The following RORA variants were observed in gnomAD, a reference collection of about 807,000 sequenced individuals.
RORA encodes the protein RAR related orphan receptor A, also known as nuclear receptor ROR-alpha.
A neutral mutation model predicts 69.5 loss-of-function variants in RORA; 7 were observed. That is an observed-to-expected ratio of 0.10 (90% CI 0.06 to 0.19). The LOEUF (loss-of-function observed/expected upper bound fraction) is 0.19. Among genes scored for constraint, RORA ranks in the 10% least tolerant of loss-of-function variants. RORA has a pLI of 1.00. For synonymous variants in RORA, 261 were observed against 240.8 expected, an observed-to-expected ratio of 1.08 and a Z score of -0.78; for missense variants, 457 against 663.0, an observed-to-expected ratio of 0.69 and a Z score of 3.41.
intron 2 of RORA, among the ~76,000 whole-genome samples, chr15:60,563,045 T>C (rs1040247515): frequency 2.0e-5 from 3 of 152,190 alleles, no homozygotes; most frequent in African/African-American, 2.4e-5. Context: ...ATAAATGCTA[T>C]ACTTAATCAT....
chr15:60,607,266 T>C (rs1464472144), intron 2 of RORA, among the ~76,000 whole-genome samples: 1 of 152,156 alleles, frequency 6.6e-6, no homozygotes, highest in Non-Finnish European at 1.5e-5. Flanking sequence ...TAATTAATGG[T>C]TATAATGACT....
In RORA at chr15:61,061,354, A is replaced by ACAATAAAT. The variant is rs111613157; in HGVS notation, c.166+167698_166+167699insATTTATTG. Among the ~76,000 whole-genome samples the ACAATAAAT allele has an allele frequency of 7.3e-6, 1 of 137,102 alleles. No individual in the cohort carries two copies. Among genetic ancestry groups the ACAATAAAT allele is most frequent in the African/African-American group, 2.7e-5 (1 of 36,956 alleles). 89.9% of individuals were successfully genotyped at this position (137,102 alleles called of 152,430 possible). On this transcript the variant is annotated intron_variant, in intron 1 of 10. Transcript: ENST00000335670. This position sits in a 1 kb window ranked among gnomAD's most constrained non-coding sequence, Gnocchi z 4.4. ...GAGACAGAGCGAGGCTCTATCTTAAAAAATAAATAAATAAATAAATAAATA... is the reference window on the plus strand; with the variant it reads ...GAGACAGAGCGAGGCTCTATCTTAAACAATAAATAAATAAATAAATAAATAAATAAATA...
chr15:61,056,511 T>G (rs1190396265), intron 1 of RORA, among the ~76,000 whole-genome samples: 1 of 152,188 alleles, frequency 6.6e-6, no homozygotes, highest in African/African-American at 2.4e-5. Context: ...AACCATATTT[T>G]GGGTAAATAT....
intron 1 of RORA, among the ~76,000 whole-genome samples, chr15:60,865,022 G>C (rs1209412364): frequency 6.6e-6 from 1 of 152,158 alleles, no homozygotes; most frequent in East Asian, 1.9e-4. Context: ...GCTGTGAAGA[G>C]GAAATAAGAG....
chr15:61,036,511 G>T (rs1896465415), intron 1 of RORA, among the ~76,000 whole-genome samples: 1 of 152,130 alleles, frequency 6.6e-6, no homozygotes, highest in African/African-American at 2.4e-5. Context: ...CTCTGGAACA[G>T]TCCCTTCACT....
intron 1 of RORA, among the ~76,000 whole-genome samples, chr15:60,968,381 TC>T (rs1893617402): frequency 6.6e-6 from 1 of 152,200 alleles, no homozygotes; most frequent in Admixed American, 6.5e-5. Flanking sequence ...AGTTTCTGAT[TC>T]AGGAAATCTG....
intron 1 of RORA, among the ~76,000 whole-genome samples, chr15:61,114,972 G>A (rs1176382340): frequency 6.6e-6 from 1 of 152,198 alleles, no homozygotes; most frequent in Non-Finnish European, 1.5e-5. Context: ...TTATTTAGCA[G>A]TGCTTTAAAA....
chr15:60,706,258 A>C (rs1476105845), intron 1 of RORA: 3 of 152,206 alleles, frequency 2.0e-5, no homozygotes, highest in African/African-American at 7.2e-5. Context: ...TGGCTTCTTC[A>C]GAAGGACAGC....
chr15:60,735,334 T>A (rs2071482906), intron 1 of RORA, among the ~76,000 whole-genome samples: 1 of 152,240 alleles, frequency 6.6e-6, no homozygotes, highest in South Asian at 2.1e-4. Flanking sequence ...TGTTTTTTTA[T>A]ATAATATTGC....
chr15:60,826,882 A>C (rs1389875644), intron 1 of RORA, among the ~76,000 whole-genome samples: 1 of 151,992 alleles, frequency 6.6e-6, no homozygotes, highest in East Asian at 1.9e-4. Flanking sequence ...CTAAACCCTA[A>C]GACAATCTCA....
At chr15:60,857,121 T>C (rs574739588) in intron 1 of RORA, among the ~76,000 whole-genome samples, 1 of 152,262 alleles carries the variant, frequency 6.6e-6, no homozygotes, top group South Asian at 2.1e-4. Context: ...ATAAGGACCT[T>C]GCAGGCTCGT....
At chr15:60,645,322 G>A (rs1363334562) in intron 2 of RORA, among the ~76,000 whole-genome samples, 1 of 151,640 alleles carries the variant, frequency 6.6e-6, no homozygotes, top group Non-Finnish European at 1.5e-5. Flanking sequence ...GACAAAGGAG[G>A]GAGATGAAAG....
chr15:61,205,757 T>C lies in RORA; in HGVS notation c.166+23296A>G, dbSNP rs769532157. 5.3e-5 allele frequency among the ~76,000 whole-genome samples: 8 copies of C among 152,098 alleles called. No individual in the cohort carries two copies. The East Asian group carries it at 1.2e-3, about 22-fold the overall frequency. ...CACTGCACAACTCCAAGGAGCTCCATTTGCTTAGGCTGCTTGCTACCTCCC... is the reference window on the plus strand; with the variant it reads ...CACTGCACAACTCCAAGGAGCTCCACTTGCTTAGGCTGCTTGCTACCTCCC... On this transcript the variant is annotated intron_variant, in intron 1 of 10. Coordinates refer to ENST00000335670, the MANE Select transcript of RORA (RefSeq NM_134261.3).
intron 1 of RORA, among the ~76,000 whole-genome samples, chr15:61,037,108 G>A (rs1896496480): frequency 6.6e-6 from 1 of 152,144 alleles, no homozygotes; most frequent in African/African-American, 2.4e-5. Context: ...CTAGCTGTGT[G>A]ACCTTAGGAA....
At chr15:61,161,440 A>C (rs1196484255) in intron 1 of RORA, among the ~76,000 whole-genome samples, 1 of 152,160 alleles carries the variant, frequency 6.6e-6, no homozygotes, top group Non-Finnish European at 1.5e-5. Context: ...AACCTCTCTG[A>C]GCTCAGTTTT....
intron 1 of RORA, among the ~76,000 whole-genome samples, chr15:61,066,518 C>T (rs2078261918): frequency 6.6e-6 from 1 of 150,906 alleles, no homozygotes; most frequent in African/African-American, 2.4e-5. Flanking sequence ...CCTCCACCTC[C>T]CAGGTTCAAG....
intron 1 of RORA, among the ~76,000 whole-genome samples, chr15:61,072,409 T>C (rs571375779): frequency 6.6e-6 from 1 of 152,326 alleles, no homozygotes. Context: ...GGTAAAACTA[T>C]TCACATTTCC....
At chr15:60,727,425 G>C (rs769417744) in intron 1 of RORA, among the ~76,000 whole-genome samples, 1 of 152,084 alleles carries the variant, frequency 6.6e-6, no homozygotes, top group Admixed American at 6.5e-5. Flanking sequence ...AACGTTTCCA[G>C]ACAAAAGCAA....
intron 1 of RORA, among the ~76,000 whole-genome samples, chr15:61,173,724 C>T (rs12902705): frequency 5.9e-5 from 9 of 152,122 alleles, no homozygotes; most frequent in African/African-American, 1.9e-4. Context: ...GGCGTGACCA[C>T]GGCTCACTGC....
Sources: gnomAD v4.1 joint callset for allele counts (sites outside exome capture counted in the v4.1 genomes callset) on GRCh38, gnomAD v4.1.1 for gene constraint, Gnocchi (gnomAD v3.1) non-coding constraint, MANE v1.5 for transcripts, NCBI Gene and HGNC (gene_info 2026-07-23, HGNC 2026-07-21) for gene names.